Variants in RHOU observed in about 807,000 individuals in gnomAD.
RHOU encodes rho-related GTP-binding protein RhoU.
Under a neutral mutation model 12.6 loss-of-function variants are expected in RHOU, and 8 were observed. The ratio of observed to expected loss-of-function variants is 0.64; its 90% CI spans 0.37 to 1.15. RHOU has a LOEUF of 1.15. Ranked by LOEUF, RHOU falls within the 50% of genes most tolerant of loss-of-function variation. The pLI is 0.01. For missense variants in RHOU, 258 were observed against 347.0 expected (o/e 0.74, Z 2.04); for synonymous variants, 161 against 147.4 (o/e 1.09, Z -0.67).
At chr1:228,732,233 A>C (rs1445491987), upstream of RHOU, among the ~76,000 whole-genome samples, 1 of 152,218 alleles carries the variant, frequency 6.6e-6, no homozygotes, top group African/African-American at 2.4e-5. Flanking sequence ...TGTGGGATAT[A>C]GGAATGAGCA....
the RHOU span, among the ~76,000 whole-genome samples, chr1:228,711,869 G>A: frequency 2.1e-5 from 3 of 145,386 alleles, no homozygotes; most frequent in Non-Finnish European, 4.5e-5. Context: ...AGAGTGAACA[G>A]GCAACCTACA....
the RHOU span, among the ~76,000 whole-genome samples, chr1:228,704,107 A>G: frequency 6.6e-6 from 1 of 152,190 alleles, no homozygotes; most frequent in Non-Finnish European, 1.5e-5. Flanking sequence ...TATATTTTGT[A>G]TCCAGTGGAA....
the RHOU span, among the ~76,000 whole-genome samples, chr1:228,684,386 G>T: frequency 2.0e-5 from 3 of 152,172 alleles, no homozygotes; most frequent in Admixed American, 6.5e-5. Context: ...CTGGAGTGCA[G>T]TGGCAAGATC....
chr1:228,675,778 T>G, the RHOU span, among the ~76,000 whole-genome samples: 36 of 152,308 alleles, frequency 2.4e-4, no homozygotes, highest in Non-Finnish European at 3.7e-4. Context: ...TATTCAGAGA[T>G]CTTACAGGAG....
At chr1:228,676,150 T>A in the RHOU span, among the ~76,000 whole-genome samples, 2 of 151,380 alleles carry the variant, frequency 1.3e-5, no homozygotes, top group Non-Finnish European at 2.9e-5. Context: ...CTTTTTTTTT[T>A]AAAGTGACAG....
At chr1:228,708,269 C>T in the RHOU span, among the ~76,000 whole-genome samples, 30 of 152,066 alleles carry the variant, frequency 2.0e-4, no homozygotes, top group Non-Finnish European at 3.5e-4. Flanking sequence ...CCCAATCTAG[C>T]AAGGCAGGCC....
chr1:228,734,687 A>C (rs1454509264), upstream of RHOU, among the ~76,000 whole-genome samples: 1 of 152,188 alleles, frequency 6.6e-6, no homozygotes, highest in Non-Finnish European at 1.5e-5. Context: ...GACTCTTGGT[A>C]TTCTGACTTG....
the RHOU span, among the ~76,000 whole-genome samples, chr1:228,702,328 C>T: frequency 3.9e-5 from 6 of 152,226 alleles, no homozygotes; most frequent in East Asian, 7.7e-4. Context: ...GGGGAGGTCC[C>T]ATCTGGGTCC....
chr1:228,684,729 G>A, the RHOU span, among the ~76,000 whole-genome samples: 1 of 152,124 alleles, frequency 6.6e-6, no homozygotes, highest in African/African-American at 2.4e-5. Flanking sequence ...TGCAGGCTCT[G>A]GTAATAGAGT....
the RHOU span, among the ~76,000 whole-genome samples, chr1:228,662,962 T>C: frequency 6.6e-6 from 1 of 152,328 alleles, no homozygotes; most frequent in Non-Finnish European, 1.5e-5. Flanking sequence ...CCTCGGGATC[T>C]GGCTGCTCTT....
the RHOU span, among the ~76,000 whole-genome samples, chr1:228,690,274 A>C: frequency 1.3e-5 from 2 of 152,086 alleles, 1 homozygote; most frequent in African/African-American, 4.8e-5. Flanking sequence ...CACTTGAAAG[A>C]GGGCCAAGTG....
the RHOU span, among the ~76,000 whole-genome samples, chr1:228,696,578 G>T: frequency 1.3e-5 from 2 of 151,998 alleles, no homozygotes; most frequent in Admixed American, 1.3e-4. Flanking sequence ...ACAGAGTCTT[G>T]CTCTGTCACC....
In RHOU at chr1:228,743,192, C is replaced by A; in HGVS notation, c.322-93C>A. On this transcript the variant is annotated intron_variant, in intron 2 of 2. Coordinates refer to ENST00000366691, the MANE Select transcript of RHOU (RefSeq NM_021205.6). This position sits in a 1 kb window ranked among gnomAD's most constrained non-coding sequence, Gnocchi z 5.1. ...CTAGAACCAGCGGGTCTTCTATCAC[C>A]TGCCAGACCCTTTCATGAAAAATGT... 8.6e-7 allele frequency: 1 copy of A among 1,162,334 alleles called. No homozygotes were observed. The highest frequency in any genetic ancestry group is 1.3e-6 in the Non-Finnish European group (1 of 795,532). The allele number at this position is 1,162,334 out of a possible 1,614,324, so 72.0% of individuals were successfully genotyped here. A position where few individuals can be genotyped will look rare whatever the true frequency, so the allele number is the denominator to read the frequency against.
the RHOU span, among the ~76,000 whole-genome samples, chr1:228,647,274 A>T: frequency 6.6e-6 from 1 of 151,944 alleles, no homozygotes; most frequent in African/African-American, 2.4e-5. Flanking sequence ...TTGGCACCTC[A>T]CTGTGCTCTT....
chr1:228,646,498 G>A, the RHOU span, among the ~76,000 whole-genome samples: 1 of 89,770 alleles, frequency 1.1e-5, no homozygotes, highest in Non-Finnish European at 2.2e-5. Context: ...GTCAGGGCTG[G>A]CCGAAGGCGA....
At chr1:228,705,067 G>A in the RHOU span, among the ~76,000 whole-genome samples, 1 of 151,330 alleles carries the variant, frequency 6.6e-6, no homozygotes, top group Non-Finnish European at 1.5e-5. Flanking sequence ...CTCCCAAAAT[G>A]CTGGCATTAT....
the RHOU span, among the ~76,000 whole-genome samples, chr1:228,671,483 G>A: frequency 6.6e-6 from 1 of 151,880 alleles, no homozygotes; most frequent in Non-Finnish European, 1.5e-5. Context: ...TTGGGAGGCC[G>A]AGGCAAGTGG....
chr1:228,681,771 G>T, the RHOU span, among the ~76,000 whole-genome samples: 1 of 152,122 alleles, frequency 6.6e-6, no homozygotes, highest in African/African-American at 2.4e-5. Context: ...GAGAACACAG[G>T]CTAAGGGAGA....
At chr1:228,685,192 C>T in the RHOU span, among the ~76,000 whole-genome samples, 2 of 152,182 alleles carry the variant, frequency 1.3e-5, no homozygotes, top group Non-Finnish European at 2.9e-5. Context: ...TGGGTTTTGG[C>T]TGGCTTCTTT....
Sources: allele counts gnomAD v4.1 joint callset (sites outside exome capture counted in the v4.1 genomes callset), GRCh38; gene constraint gnomAD v4.1.1; non-coding constraint Gnocchi (gnomAD v3.1); transcripts MANE v1.5; gene names NCBI Gene and HGNC (gene_info 2026-07-23, HGNC 2026-07-21).